ACVR2B: variants seen among roughly 807,000 people sequenced by gnomAD.
The protein encoded by ACVR2B is activin receptor type-2B.
ACVR2B carries 18 observed loss-of-function variants against 65.1 expected under a neutral mutation model. The ratio of observed to expected loss-of-function variants is 0.28; its 90% CI spans 0.19 to 0.41. The LOEUF (loss-of-function observed/expected upper bound fraction) is 0.41. Ranked by LOEUF, ACVR2B falls within the 10% of genes least tolerant of loss-of-function variation. The pLI, the probability that ACVR2B is intolerant of heterozygous loss-of-function variation, is 1.00. For synonymous variants in ACVR2B, 298 were observed against 277.7 expected (o/e 1.07, Z -0.73); for missense variants, 482 against 682.7 (o/e 0.71, Z 3.28).
chr3:38,470,357 A>G (rs139864577), intron 1 of ACVR2B, among the ~76,000 whole-genome samples: 1 of 152,360 alleles, frequency 6.6e-6, no homozygotes, highest in East Asian at 1.9e-4. Flanking sequence ...AAGTTAAATT[A>G]ATAGCAGACT....
At chr3:38,455,779 C>G (rs563721774) in intron 1 of ACVR2B, among the ~76,000 whole-genome samples, 3 of 152,066 alleles carry the variant, frequency 2.0e-5, no homozygotes, top group African/African-American at 7.2e-5. Context: ...TTTTTTGCCC[C>G]GCTCCCTTGG....
In ACVR2B at chr3:38,482,274, T is replaced by C. The variant is rs1249314121; in HGVS notation, c.1151T>C (p.Ile384Thr). Residue 384 changes from isoleucine (I) to threonine (T), a missense_variant, in exon 9 of 11, where the codon ATT becomes ACT. Ile to Thr is a moderately conservative substitution (Grantham distance 89, BLOSUM62 -1). Coordinates refer to ENST00000352511, the MANE Select transcript of ACVR2B (RefSeq NM_001106.4). ...TTCCAGAGAGATGCCTTCCTGCGCA[T>C]TGACATGTATGCCATGGGGTTGGTG... Reference protein sequence around the residue: ...INFQRDAFLRIDMYAMGLVLW... With the variant: ...INFQRDAFLRTDMYAMGLVLW... The C allele has an allele frequency of 1.5e-5, 25 of 1,613,022 alleles. No individual in the cohort carries two copies. Among genetic ancestry groups the C allele is most frequent in the Non-Finnish European group, 1.9e-5 (22 of 1,179,818 alleles).
intron 1 of ACVR2B, among the ~76,000 whole-genome samples, chr3:38,467,916 C>T (rs928333703): frequency 2.0e-5 from 3 of 152,148 alleles, no homozygotes; most frequent in Admixed American, 1.3e-4. Context: ...CTTGCTCTGT[C>T]ACCCAGGGTG....
rs59343196 is a variant in ACVR2B at position 38,485,666 on chromosome 3, C to CTTTTTT, written c.*2356_*2361dup. ...ACAGGGTTTCGGTAAGCTATGTTGT[C>CTTTTTT]TTTTTTTTTTTTTTTTTTTTTTTTT... On this transcript the variant is annotated 3_prime_UTR_variant, in exon 11 of 11. Coordinates refer to ENST00000352511, the MANE Select transcript of ACVR2B (RefSeq NM_001106.4). 5.0e-5 allele frequency: 2 copies of CTTTTTT among 39,794 alleles called. No homozygotes were observed. Among genetic ancestry groups the CTTTTTT allele is most frequent in the East Asian group, 6.0e-4 (1 of 1,658 alleles). The allele number at this position is 39,794 out of a possible 1,614,324, so 2.5% of individuals were successfully genotyped here. A position where few individuals can be genotyped will look rare whatever the true frequency, so the allele number is the denominator to read the frequency against.
chr3:38,462,431 T>C (rs1297694435), intron 1 of ACVR2B, among the ~76,000 whole-genome samples: 3 of 152,186 alleles, frequency 2.0e-5, no homozygotes, highest in African/African-American at 7.2e-5. Flanking sequence ...CCCTGTTTTG[T>C]TCCATTTCAG....
intron 1 of ACVR2B, among the ~76,000 whole-genome samples, chr3:38,468,960 G>A (rs1252785066): frequency 6.6e-6 from 1 of 152,210 alleles, no homozygotes; most frequent in African/African-American, 2.4e-5. Context: ...AAAAAGGCAT[G>A]TATTTCAGAG....
In ACVR2B at chr3:38,491,061, A is replaced by G. The variant is rs1373688766; in HGVS notation, c.*7729A>G. Reference sequence around the variant, plus strand: ...AGAACATTCCTTTAAATGGCAGGATAAAAAACCCACTATCCACCATAGTGC... The same window carrying G: ...AGAACATTCCTTTAAATGGCAGGATGAAAAACCCACTATCCACCATAGTGC... On this transcript the variant is annotated 3_prime_UTR_variant, in exon 11 of 11. Transcript: ENST00000352511. The G allele has an allele frequency of 6.6e-6, 1 of 152,646 alleles. No homozygotes were observed. The highest frequency in any genetic ancestry group is 2.4e-5 in the African/African-American group (1 of 41,456). 9.5% of individuals were successfully genotyped at this position (152,646 alleles called of 1,614,324 possible). A position where few individuals can be genotyped will look rare whatever the true frequency, so the allele number is the denominator to read the frequency against.
In ACVR2B at chr3:38,479,790, G is replaced by A; in HGVS notation, c.923G>A (p.Cys308Tyr). 6.2e-7 allele frequency: 1 copy of A among 1,614,230 alleles called. No homozygotes were observed. Among genetic ancestry groups the A allele is most frequent in the Non-Finnish European group, 8.5e-7 (1 of 1,180,046 alleles). The change falls in exon 7 of 11, where the codon TGC (cysteine) becomes TAC (tyrosine). Residue 308 changes from cysteine (C) to tyrosine (Y), a missense_variant. Coordinates refer to ENST00000352511, the MANE Select transcript of ACVR2B (RefSeq NM_001106.4). ...TACCTGCATGAGGATGTGCCCTGGTGCCGTGGCGAGGGCCACAAGCCGTCT... is the reference window on the plus strand; with the variant it reads ...TACCTGCATGAGGATGTGCCCTGGTACCGTGGCGAGGGCCACAAGCCGTCT... ...LSYLHEDVPW[C>Y]RGEGHKPSIA... is the part of the protein sequence containing the mutation.
Position 38,477,793 on chromosome 3 carries a change from G to T in ACVR2B, c.261-68G>T, listed in dbSNP as rs1463296189. ...GTGCTCTGTCTGTGAGGAGGGGTTG[G>T]CAGGGCAGGCCTGGGGGAGTCTTGC... On this transcript the variant is annotated intron_variant, in intron 2 of 10. Coordinates refer to ENST00000352511, the MANE Select transcript of ACVR2B (RefSeq NM_001106.4). The surrounding 1 kb of genome is among the most constrained non-coding windows in gnomAD (Gnocchi z 6.7). 2.7e-6 allele frequency: 4 copies of T among 1,504,984 alleles called. No homozygotes were observed. The highest frequency in any genetic ancestry group is 2.7e-5 in the African/African-American group (2 of 72,730). 93.2% of individuals were successfully genotyped at this position (1,504,984 alleles called of 1,614,324 possible).
chr3:38,472,087 T>C (rs1282156848), intron 1 of ACVR2B, among the ~76,000 whole-genome samples: 1 of 152,198 alleles, frequency 6.6e-6, no homozygotes. Flanking sequence ...TACACGTGTG[T>C]GCATGTGTCA....
intron 1 of ACVR2B, among the ~76,000 whole-genome samples, chr3:38,462,463 G>T (rs1375171487): frequency 6.6e-6 from 1 of 152,092 alleles, no homozygotes; most frequent in Non-Finnish European, 1.5e-5. Context: ...ACCCACTAAG[G>T]TTAACTACTA....
In ACVR2B at chr3:38,454,185, G is replaced by A. The variant is rs1403550924; in HGVS notation, c.-138G>A. ...CCGAACGCTGCTCGGGGACGAAGGC[G>A]CAGGAAGCGCGCAGGGAACGAGACC... On this transcript the variant is annotated 5_prime_UTR_variant, in exon 1 of 11. Coordinates refer to ENST00000352511, the MANE Select transcript of ACVR2B (RefSeq NM_001106.4). 2 of 573,980 alleles carry A rather than the reference G, an allele frequency of 3.5e-6. No homozygotes were observed. The highest frequency in any genetic ancestry group is 6.7e-5 in the South Asian group (1 of 14,922). 35.6% of individuals were successfully genotyped at this position (573,980 alleles called of 1,614,324 possible). A position where few individuals can be genotyped will look rare whatever the true frequency, so the allele number is the denominator to read the frequency against.
At chr3:38,480,967 A>G (rs760878969) in intron 7 of ACVR2B, among the ~76,000 whole-genome samples, 3 of 152,198 alleles carry the variant, frequency 2.0e-5, no homozygotes, top group Non-Finnish European at 4.4e-5. Flanking sequence ...TTAAATTCCT[A>G]TTCTCATTCA....
chr3:38,455,448 A>T (rs1313423211), intron 1 of ACVR2B, among the ~76,000 whole-genome samples: 1 of 151,200 alleles, frequency 6.6e-6, no homozygotes, highest in Non-Finnish European at 1.5e-5. Context: ...AGCCGCCTGG[A>T]GTCTGGGAAA....
At chr3:38,461,032 C>T (rs1168143489) in intron 1 of ACVR2B, among the ~76,000 whole-genome samples, 1 of 152,184 alleles carries the variant, frequency 6.6e-6, no homozygotes. Flanking sequence ...TCCCTGTGGC[C>T]TCCCAGACTT....
rs1471064845 is a variant in ACVR2B at position 38,487,148 on chromosome 3, C to T, written c.*3816C>T. ...TGTCCTGTCTGCTCTGGAGAGGAGC[C>T]TGTGGGACCAGTCCTGCCTGGGGAG... is the stretch of plus-strand genomic sequence containing the variant. On this transcript the variant is annotated 3_prime_UTR_variant, in exon 11 of 11. Transcript: ENST00000352511. The T allele has an allele frequency of 6.6e-6, 1 of 152,370 alleles. No homozygotes were observed. The highest frequency in any genetic ancestry group is 2.4e-5 in the African/African-American group (1 of 41,454). 9.4% of individuals were successfully genotyped at this position (152,370 alleles called of 1,614,324 possible).
intron 1 of ACVR2B, chr3:38,476,475 T>C (rs1709909390): frequency 6.6e-6 from 1 of 152,324 alleles, no homozygotes; most frequent in Non-Finnish European, 1.5e-5. Context: ...AGGCTTACCC[T>C]GTACACGCAG....
intron 1 of ACVR2B, among the ~76,000 whole-genome samples, chr3:38,466,449 C>T (rs549174913): frequency 2.6e-5 from 4 of 151,852 alleles, no homozygotes; most frequent in African/African-American, 7.2e-5. Flanking sequence ...TGTATCAAAA[C>T]GTATTCTACC....
Position 38,471,437 on chromosome 3 carries a change from A to G in ACVR2B, c.53-5850A>G, listed in dbSNP as rs149821983. ...GCACATCCACTTTGGAGAACAGTTT[A>G]ACAGTATTTAGTCAGTTGATCTTTA... On this transcript the variant is annotated intron_variant, in intron 1 of 10. Coordinates refer to ENST00000352511, the MANE Select transcript of ACVR2B (RefSeq NM_001106.4). 5.7e-3 allele frequency among the ~76,000 whole-genome samples: 706 copies of G among 123,446 alleles called. 3 individuals are homozygous for G. Among genetic ancestry groups the G allele is most frequent in the Non-Finnish European group, 7.9e-3 (411 of 52,264 alleles). 81.0% of individuals were successfully genotyped at this position (123,446 alleles called of 152,430 possible).
Sources: allele counts gnomAD v4.1 joint callset (sites outside exome capture counted in the v4.1 genomes callset), GRCh38; gene constraint gnomAD v4.1.1; non-coding constraint Gnocchi (gnomAD v3.1); transcripts MANE v1.5; gene names NCBI Gene and HGNC (gene_info 2026-07-23, HGNC 2026-07-21).